DPYS: variants seen among roughly 807,000 people sequenced by gnomAD.
The protein encoded by DPYS is dihydropyrimidine amidohydrolase.
A neutral mutation model predicts 50.3 loss-of-function variants in DPYS; 39 were observed. The ratio of observed to expected loss-of-function variants is 0.78; its 90% CI spans 0.60 to 1.01. The LOEUF is 1.01. Among genes scored for constraint, DPYS ranks in the 50% least tolerant of loss-of-function variants. The pLI, the probability that DPYS is intolerant of heterozygous loss-of-function variation, is 0.00. For synonymous variants in DPYS, 245 were observed against 250.7 expected (o/e 0.98, Z 0.22); for missense variants, 659 against 680.9 (o/e 0.97, Z 0.36).
chr8:104,433,404 T>C (rs567465515), intron 4 of DPYS, among the ~76,000 whole-genome samples: 1 of 152,182 alleles, frequency 6.6e-6, no homozygotes, highest in South Asian at 2.1e-4. Flanking sequence ...CAATGGAGTG[T>C]TCTGATGTTC....
chr8:104,400,703 G>A (rs1811768329), intron 7 of DPYS, among the ~76,000 whole-genome samples: 1 of 152,200 alleles, frequency 6.6e-6, no homozygotes, highest in African/African-American at 2.4e-5. Flanking sequence ...CTCACTTTAA[G>A]CCTGTATGAA....
At chr8:104,381,863 C>G (rs1044082979) in intron 8 of DPYS, among the ~76,000 whole-genome samples, 6 of 119,246 alleles carry the variant, frequency 5.0e-5, no homozygotes, top group African/African-American at 2.3e-4. Context: ...CACACACACA[C>G]ACACACACAC....
intron 7 of DPYS, among the ~76,000 whole-genome samples, chr8:104,412,185 C>T (rs749599099): frequency 5.3e-5 from 8 of 152,162 alleles, no homozygotes; most frequent in Admixed American, 1.3e-4. Context: ...TGCTTGAAAC[C>T]GATGTCCAGG....
chr8:104,389,535 T>A (rs1305291173), intron 8 of DPYS, among the ~76,000 whole-genome samples: 1 of 117,690 alleles, frequency 8.5e-6, no homozygotes, highest in Admixed American at 7.5e-5. Flanking sequence ...ATTTTCTTCC[T>A]TTTATTTTTT....
chr8:104,444,276 A>G lies in DPYS; in HGVS notation c.765T>C (p.Ala255=), dbSNP rs35371065. 7.8e-4 allele frequency: 1,256 copies of G among 1,614,232 alleles called. 12 individuals are homozygous for G. In the African/African-American group the frequency reaches 0.015, roughly 19 times the overall value. The change falls in exon 4 of 10, where the codon GCT becomes GCC. Residue 255 remains alanine (A), a synonymous_variant. Coordinates refer to ENST00000351513, the MANE Select transcript of DPYS (RefSeq NM_001385.3). ...CTCTCCTTGCATCCGCTATCACCTT[A>G]GCTGCAGACTTGCTCATCACATGCA... ...YIVHVMSKSA[A]KVIADARRDG...
chr8:104,407,915 A>C (rs2140563165), intron 7 of DPYS, among the ~76,000 whole-genome samples: 1 of 152,306 alleles, frequency 6.6e-6, no homozygotes, highest in African/African-American at 2.4e-5. Context: ...TAGCCCACGA[A>C]CTATACACAA....
intron 3 of DPYS, among the ~76,000 whole-genome samples, chr8:104,445,944 C>CT (rs1813513376): frequency 6.6e-6 from 1 of 152,110 alleles, no homozygotes; most frequent in South Asian, 2.1e-4. Flanking sequence ...ACTCGGGAGG[C>CT]TGAGGCAGGA....
chr8:104,380,945 G>C (rs1345885166), intron 9 of DPYS: 2 of 448,634 alleles, frequency 4.5e-6, no homozygotes, highest in Admixed American at 3.4e-5. Flanking sequence ...ATTATCCAAG[G>C]CTGTATTGAA....
intron 7 of DPYS, chr8:104,421,073 T>C (rs1311558444): frequency 6.6e-6 from 1 of 152,166 alleles, no homozygotes; most frequent in Non-Finnish European, 1.5e-5. Context: ...TGGCCTTCGA[T>C]GGATCTGGGA....
chr8:104,386,350 T>C (rs371801232), intron 8 of DPYS, among the ~76,000 whole-genome samples: 10 of 151,882 alleles, frequency 6.6e-5, no homozygotes, highest in African/African-American at 2.4e-4. Context: ...CTGGTCAACA[T>C]GGTGAAACCC....
At position 104,392,943 on chromosome 8, in the gene DPYS, G is replaced by A. The variant is rs769020409; in HGVS notation, c.1284C>T (p.Phe428=). The A allele has an allele frequency of 7.4e-6, 12 of 1,614,158 alleles. No individual in the cohort carries two copies. Among genetic ancestry groups the A allele is most frequent in the South Asian group, 6.6e-5 (6 of 91,090 alleles). The change falls in exon 8 of 10, where the codon TTC becomes TTT. Residue 428 remains phenylalanine, a synonymous_variant. Coordinates refer to ENST00000351513, the MANE Select transcript of DPYS (RefSeq NM_001385.3). ...THHQAVNFNI[F]EGMVCHGVPL... is the part of the protein sequence containing the mutation. ...GCACCCCGTGGCAAACCATGCCCTC[G>A]AAAATGTTGAAGTTAACAGCCTGAT...
intron 1 of DPYS, among the ~76,000 whole-genome samples, chr8:104,451,879 G>A (rs1813754733): frequency 6.6e-6 from 1 of 152,114 alleles, no homozygotes. Context: ...ACCAAATGGT[G>A]ACCCCTTTAT....
At chr8:104,420,715 A>C (rs1274433440) in intron 7 of DPYS, 2 of 151,674 alleles carry the variant, frequency 1.3e-5, no homozygotes, top group Non-Finnish European at 2.9e-5. Context: ...AAAAAAAAAA[A>C]AACGATAAAA....
chr8:104,387,337 C>CAGTA (rs1443561193), intron 8 of DPYS, among the ~76,000 whole-genome samples: 1 of 151,666 alleles, frequency 6.6e-6, no homozygotes, highest in Non-Finnish European at 1.5e-5. Context: ...GATTTTGAAG[C>CAGTA]AATAAATAAA....
chr8:104,401,394 C>G (rs972276313), intron 7 of DPYS, among the ~76,000 whole-genome samples: 2 of 151,700 alleles, frequency 1.3e-5, no homozygotes, highest in Non-Finnish European at 2.9e-5. Flanking sequence ...GTTTACACAG[C>G]TAGTAAGTTC....
intron 4 of DPYS, among the ~76,000 whole-genome samples, chr8:104,434,057 A>G (rs1167350334): frequency 2.0e-5 from 3 of 152,164 alleles, no homozygotes; most frequent in Non-Finnish European, 4.4e-5. Flanking sequence ...CTAGTTTTAT[A>G]CATTTTAGGG....
intron 4 of DPYS, among the ~76,000 whole-genome samples, chr8:104,437,839 G>A (rs1429895397): frequency 6.6e-6 from 1 of 152,108 alleles, no homozygotes; most frequent in Non-Finnish European, 1.5e-5. Flanking sequence ...TGAAATTTCT[G>A]GACATCTAAA....
At chr8:104,451,854 C>T (rs1813753700) in intron 1 of DPYS, among the ~76,000 whole-genome samples, 1 of 152,156 alleles carries the variant, frequency 6.6e-6, no homozygotes, top group Non-Finnish European at 1.5e-5. Flanking sequence ...TCCGGTCTTG[C>T]CTCCATTCCC....
chr8:104,438,903 T>C (rs1813246347), intron 4 of DPYS, among the ~76,000 whole-genome samples: 1 of 152,046 alleles, frequency 6.6e-6, no homozygotes, highest in South Asian at 2.1e-4. Context: ...ATCCCGACTC[T>C]ACAAGAAATT....
Sources: gnomAD v4.1 joint callset for allele counts (sites outside exome capture counted in the v4.1 genomes callset) on GRCh38, gnomAD v4.1.1 for gene constraint, MANE v1.5 for transcripts, NCBI Gene and HGNC (gene_info 2026-07-23, HGNC 2026-07-21) for gene names.